TRIM37: variants seen among roughly 807,000 people sequenced by gnomAD.
TRIM37 encodes the protein E3 ubiquitin-protein ligase TRIM37.
In TRIM37, 80 loss-of-function variants were observed where a neutral mutation model predicts 129.8. That is an observed-to-expected ratio of 0.62 (90% CI 0.51 to 0.74). TRIM37 has a LOEUF of 0.74. Among genes scored for constraint, TRIM37 ranks in the 30% least tolerant of loss-of-function variants. The pLI is 0.00. For missense variants in TRIM37, 1,054 were observed against 1,176.5 expected, an observed-to-expected ratio of 0.90 and a Z score of 1.52; for synonymous variants, 389 against 387.1, an observed-to-expected ratio of 1.00 and a Z score of -0.06.
intron 2 of TRIM37, among the ~76,000 whole-genome samples, chr17:59,094,008 C>A (rs1474418697): frequency 6.6e-6 from 1 of 152,174 alleles, no homozygotes; most frequent in Admixed American, 6.5e-5. Context: ...AATTCTCATG[C>A]CTCAGCCTCT....
At chr17:58,983,604 TA>T (rs1287627190) in intron 24 of TRIM37, 2 of 152,652 alleles carry the variant, frequency 1.3e-5, no homozygotes, top group African/African-American at 4.8e-5. Context: ...CTGGTGATTG[TA>T]AAAATATTAG....
intron 5 of TRIM37, among the ~76,000 whole-genome samples, chr17:59,081,676 G>A (rs1568197863): frequency 6.6e-6 from 1 of 152,058 alleles, no homozygotes; most frequent in Non-Finnish European, 1.5e-5. Context: ...GGGACGCTGA[G>A]GAGGGCAGAT....
In TRIM37 at chr17:59,031,923, G is replaced by A. The variant is rs1273361597; in HGVS notation, c.1921C>T (p.Pro641Ser). The A allele has an allele frequency of 1.2e-6, 2 of 1,614,016 alleles. No homozygotes were observed. Among genetic ancestry groups the A allele is most frequent in the South Asian group, 2.2e-5 (2 of 91,058 alleles). The change falls in exon 18 of 24, where the codon CCA becomes TCA. Residue 641 changes from proline to serine, a missense_variant. Around this residue, in one of 3 missense-constraint regions of TRIM37, gnomAD observed 752 missense variants for 870.8 expected, o/e 0.86. Coordinates refer to ENST00000262294, the MANE Select transcript of TRIM37 (RefSeq NM_015294.6). ...GTGGGCTGCAGAAGTGAAGCAGGTG[G>A]GCGAGGCTGTAAGCCCCACAAATTT... ...IENLWGLQPR[P>S]PASLLQPTAS...
intron 24 of TRIM37, chr17:58,985,038 A>G (rs2031668196): frequency 6.5e-6 from 1 of 152,674 alleles, no homozygotes; most frequent in East Asian, 1.9e-4. Flanking sequence ...TTATCAATTT[A>G]CAAATCTGCT....
intron 22 of TRIM37, among the ~76,000 whole-genome samples, chr17:59,011,643 C>T (rs1262888995): frequency 6.6e-6 from 1 of 152,076 alleles, no homozygotes; most frequent in East Asian, 1.9e-4. Flanking sequence ...CCTCTGTTGC[C>T]CCAAATTGCA....
At chr17:59,028,180 G>A (rs977105020) in intron 19 of TRIM37, among the ~76,000 whole-genome samples, 7 of 152,152 alleles carry the variant, frequency 4.6e-5, no homozygotes, top group Non-Finnish European at 8.8e-5. Flanking sequence ...GATCTATGAT[G>A]TTAAGAATTT....
In TRIM37 at chr17:59,051,081, G is replaced by A. The variant is rs1202506337; in HGVS notation, c.1314+133C>T. 6.0e-6 allele frequency: 4 copies of A among 665,008 alleles called. No individual in the cohort carries two copies. The African/African-American group carries it at 7.3e-5, about 12-fold the overall frequency. 41.2% of individuals were successfully genotyped at this position (665,008 alleles called of 1,614,324 possible). On this transcript the variant is annotated intron_variant, in intron 14 of 23. Coordinates refer to ENST00000262294, the MANE Select transcript of TRIM37 (RefSeq NM_015294.6). ...CAGAACTGGTAAGGATGGGGAACAAGATAACTAGATTTTTTTTCTAATTAC... is the reference window on the plus strand; with the variant it reads ...CAGAACTGGTAAGGATGGGGAACAAAATAACTAGATTTTTTTTCTAATTAC...
At chr17:59,092,936 A>T (rs945091639) in intron 2 of TRIM37, among the ~76,000 whole-genome samples, 1 of 152,122 alleles carries the variant, frequency 6.6e-6, no homozygotes, top group Non-Finnish European at 1.5e-5. Flanking sequence ...GTGGATCACG[A>T]GGTCAGGAGT....
intron 11 of TRIM37, among the ~76,000 whole-genome samples, chr17:59,062,172 A>T (rs1274128591): frequency 6.6e-6 from 1 of 152,210 alleles, no homozygotes; most frequent in Non-Finnish European, 1.5e-5. Flanking sequence ...ATCACCAAAC[A>T]TCTTTAAAGG....
Position 59,084,075 on chromosome 17 carries a change from T to A in TRIM37, c.296A>T (p.His99Leu). The change falls in exon 5 of 24, where the codon CAT becomes CTT. Residue 99 changes from histidine to leucine, a missense_variant. This residue lies in a region of TRIM37 where 752 missense variants were observed against 870.8 expected (regional missense o/e 0.86). Coordinates refer to ENST00000262294, the MANE Select transcript of TRIM37 (RefSeq NM_015294.6). ...CCAGCAAAATACACTAAGTTTTTCA[T>A]GGTGATTTTCACATCTATACATTAT... ...ENEKDKCENH[H>L]EKLSVFCWTC... 1 of 1,613,048 alleles carries A rather than the reference T, an allele frequency of 6.2e-7. No individual in the cohort carries two copies. The highest frequency in any genetic ancestry group is 8.5e-7 in the Non-Finnish European group (1 of 1,179,414).
chr17:59,041,925 A>C, intron 16 of TRIM37, 27 bp from the exon 17 acceptor site: 1 of 1,518,226 alleles, frequency 6.6e-7, no homozygotes, highest in Non-Finnish European at 9.1e-7. Context: ...TCCATCATTT[A>C]TATAGAGTGA....
chr17:58,991,622 C>T (rs557530751), intron 24 of TRIM37, among the ~76,000 whole-genome samples: 9 of 152,214 alleles, frequency 5.9e-5, no homozygotes, highest in South Asian at 4.1e-4. Flanking sequence ...AGACCAGGAT[C>T]GCTCTGAATA....
chr17:59,094,042 G>A (rs2044638870), intron 2 of TRIM37, among the ~76,000 whole-genome samples: 1 of 152,070 alleles, frequency 6.6e-6, no homozygotes, highest in Admixed American at 6.6e-5. Context: ...TTACAGGCAT[G>A]CGACGCCACA....
intron 2 of TRIM37, among the ~76,000 whole-genome samples, chr17:59,095,421 G>A (rs1331341896): frequency 6.6e-6 from 1 of 152,210 alleles, no homozygotes; most frequent in Non-Finnish European, 1.5e-5. Context: ...GAGTAGTGTG[G>A]AGGGAGCTAA....
At chr17:59,062,462 A>G in intron 11 of TRIM37, 105 bp downstream of exon 11, 1 of 915,004 alleles carries the variant, frequency 1.1e-6, no homozygotes. Context: ...CATATGTAAC[A>G]AAAAAAAGAA....
chr17:59,017,912 C>T (rs753903816), intron 19 of TRIM37, among the ~76,000 whole-genome samples: 11 of 152,160 alleles, frequency 7.2e-5, no homozygotes, highest in East Asian at 1.9e-4. Flanking sequence ...AGGCATGGGC[C>T]ACCGCACACC....
chr17:59,070,125 C>T (rs2042244425), intron 9 of TRIM37, among the ~76,000 whole-genome samples: 2 of 152,140 alleles, frequency 1.3e-5, no homozygotes, highest in Admixed American at 1.3e-4. Flanking sequence ...CAGCCAAATC[C>T]CAAGTGATTC....
At chr17:59,020,870 T>C (rs560761448) in intron 19 of TRIM37, among the ~76,000 whole-genome samples, 6 of 152,284 alleles carry the variant, frequency 3.9e-5, no homozygotes, top group Admixed American at 3.3e-4. Flanking sequence ...TCATACACCA[T>C]TGGTGGGAAT....
intron 2 of TRIM37, among the ~76,000 whole-genome samples, chr17:59,092,258 T>C (rs1037096444): frequency 5.9e-5 from 9 of 151,536 alleles, no homozygotes; most frequent in Non-Finnish European, 1.3e-4. Flanking sequence ...CCAGGCATGG[T>C]GATGGTGGCA....
Sources: allele counts gnomAD v4.1 joint callset (sites outside exome capture counted in the v4.1 genomes callset), GRCh38; gene constraint gnomAD v4.1.1; regional missense constraint gnomAD v4.1.1; transcripts MANE v1.5; gene names NCBI Gene and HGNC (gene_info 2026-07-23, HGNC 2026-07-21).